Variants in CEP350 observed in about 807,000 individuals in gnomAD.
CEP350 encodes the protein centrosomal protein 350.
Under a neutral mutation model 331.8 loss-of-function variants are expected in CEP350, and 126 were observed. The ratio of observed to expected loss-of-function variants is 0.38; its 90% CI spans 0.33 to 0.44. The LOEUF (loss-of-function observed/expected upper bound fraction) is 0.44, where lower values mean the gene tolerates loss of function less well. Ranked by LOEUF, CEP350 falls within the 20% of genes least tolerant of loss-of-function variation. CEP350 has a pLI of 1.00. For synonymous variants in CEP350, 1,200 were observed against 1,259.5 expected, an observed-to-expected ratio of 0.95 and a Z score of 1.00; for missense variants, 3,406 against 3,634.6, an observed-to-expected ratio of 0.94 and a Z score of 1.62.
In CEP350 at chr1:180,031,366, G is replaced by A. The variant is rs1193349619; in HGVS notation, c.3597G>A (p.Glu1199=). 1 of 1,608,176 alleles carries A rather than the reference G, an allele frequency of 6.2e-7. No individual in the cohort carries two copies. Among genetic ancestry groups the A allele is most frequent in the East Asian group, 2.2e-5 (1 of 44,482 alleles). Residue 1199 remains glutamate (E), a synonymous_variant, in exon 15 of 38, where the codon GAG becomes GAA. Transcript: ENST00000367607. ...ATGTTCAGAACTCACTTCTTGATGA[G>A]GAAAAAGCAGAACGTGGCTCCCATC... ...TGNVQNSLLD[E]EKAERGSHQG...
In CEP350 at chr1:179,991,933, A is replaced by G. The variant is rs148080110; in HGVS notation, c.236-129A>G. The stretch of plus-strand genomic sequence containing the variant: ...TATATAATATCCAACTAGAGATACT[A>G]GAGATAACTTATATAATATCCAACT... On this transcript the variant is annotated intron_variant, in intron 4 of 37. Transcript: ENST00000367607. 126 of 811,084 alleles carry G rather than the reference A, an allele frequency of 1.6e-4. No homozygotes were observed. The African/African-American group carries it at 2.2e-3, about 14-fold the overall frequency. The allele number at this position is 811,084 out of a possible 1,614,324, so 50.2% of individuals were successfully genotyped here.
intron 16 of CEP350, among the ~76,000 whole-genome samples, chr1:180,036,243 G>T (rs1457687201): frequency 6.6e-6 from 1 of 152,212 alleles, no homozygotes; most frequent in South Asian, 2.1e-4. Context: ...GTGGTTTCTT[G>T]AGATGGAATC....
chr1:180,000,977 T>C (rs958304092), intron 6 of CEP350, among the ~76,000 whole-genome samples: 4 of 152,224 alleles, frequency 2.6e-5, no homozygotes, highest in Non-Finnish European at 4.4e-5. Flanking sequence ...ACTGAGGCTA[T>C]TGTGCCTAAT....
Position 180,020,112 on chromosome 1 carries a change from C to G in CEP350, c.2338C>G (p.Pro780Ala), listed in dbSNP as rs1406656648. 6.2e-7 allele frequency: 1 copy of G among 1,614,008 alleles called. No individual in the cohort carries two copies. The highest frequency in any genetic ancestry group is 1.1e-5 in the South Asian group (1 of 91,084). The change falls in exon 12 of 38, where the codon CCA (proline) becomes GCA (alanine). Residue 780 changes from proline to alanine, a missense_variant. This residue lies in a region of CEP350 where 1,857 missense variants were observed against 1,909.2 expected (regional missense o/e 0.97). Transcript: ENST00000367607. ...GCATAAGGATTTTGAATCTATTTTA[C>G]CAACCAGGAAGAATCATAATATGGC... Reference protein sequence around the residue: ...ILHKDFESILPTRKNHNMASR... With the variant: ...ILHKDFESILATRKNHNMASR...
chr1:180,086,598 T>G (rs1659879144), intron 31 of CEP350, among the ~76,000 whole-genome samples: 1 of 152,044 alleles, frequency 6.6e-6, no homozygotes, highest in South Asian at 2.1e-4. Context: ...CTATTGGATT[T>G]TATTTGATCA....
chr1:179,974,720 G>A (rs1268992853), intron 1 of CEP350, among the ~76,000 whole-genome samples: 3 of 152,166 alleles, frequency 2.0e-5, no homozygotes, highest in African/African-American at 7.2e-5. Context: ...GGCCAACCAT[G>A]GTAGCTCATG....
chr1:180,020,368 A>G lies in CEP350; in HGVS notation c.2594A>G (p.Gln865Arg). 1 of 1,613,812 alleles carries G rather than the reference A, an allele frequency of 6.2e-7. No homozygotes were observed. Reference protein sequence around the residue: ...SAWNTEYDVQQAPQEDGPWTK... With the variant: ...SAWNTEYDVQRAPQEDGPWTK... ...TGGAACACTGAGTATGATGTGCAGC[A>G]GGCACCTCAAGAAGATGGACCTTGG... The change falls in exon 12 of 38, where the codon CAG (glutamine) becomes CGG (arginine). Residue 865 changes from glutamine to arginine, a missense_variant. Coordinates refer to ENST00000367607, the MANE Select transcript of CEP350 (RefSeq NM_014810.5).
chr1:180,057,784 T>A (rs1320675459), intron 25 of CEP350, among the ~76,000 whole-genome samples: 1 of 152,230 alleles, frequency 6.6e-6, no homozygotes, highest in Non-Finnish European at 1.5e-5. Flanking sequence ...AGTCTACTTC[T>A]GGTCTGCATT....
rs1260482668 is a variant in CEP350, at chr1:180,107,408, C to T, written c.9190-3589C>T. Among the ~76,000 whole-genome samples, 3 of 152,334 alleles carry T rather than the reference C, an allele frequency of 2.0e-5. No individual in the cohort carries two copies. In the South Asian group the frequency reaches 6.2e-4, roughly 32 times the overall value. On this transcript the variant is annotated intron_variant, in intron 37 of 37. Coordinates refer to ENST00000367607, the MANE Select transcript of CEP350 (RefSeq NM_014810.5). ...TGTAAATTAGCCAGGCACGGTGGCT[C>T]ACCTAATCCTAGCACTTTGGGAGGC...
At chr1:180,101,081 A>C (rs745989617) in intron 37 of CEP350, among the ~76,000 whole-genome samples, 11 of 152,170 alleles carry the variant, frequency 7.2e-5, no homozygotes, top group Non-Finnish European at 1.6e-4. Flanking sequence ...TACTAAACAA[A>C]ATATTTCTTT....
rs1654689797 is a variant in CEP350 at position 180,011,978 on chromosome 1, A to G, written c.1296A>G (p.Leu432=). ...CTTCTTGGCGAGATGGACAAAAATT[A>G]GTAAAGAAGATTCTGGGACCTGCTC... ...STSSWRDGQK[L]VKKILGPAPR... Residue 432 remains leucine, a synonymous_variant, in exon 9 of 38, where the codon TTA becomes TTG. Coordinates refer to ENST00000367607, the MANE Select transcript of CEP350 (RefSeq NM_014810.5). 7 of 1,599,074 alleles carry G rather than the reference A, an allele frequency of 4.4e-6. No individual in the cohort carries two copies. Among genetic ancestry groups the G allele is most frequent in the Non-Finnish European group, 6.0e-6 (7 of 1,171,810 alleles).
At chr1:180,101,386 A>T (rs1660799238) in intron 37 of CEP350, among the ~76,000 whole-genome samples, 1 of 152,184 alleles carries the variant, frequency 6.6e-6, no homozygotes, top group Non-Finnish European at 1.5e-5. Context: ...AGATTTGGTA[A>T]ACCTTGTATT....
At chr1:180,049,517 A>G (rs1434327650) in intron 22 of CEP350, among the ~76,000 whole-genome samples, 1 of 151,828 alleles carries the variant, frequency 6.6e-6, no homozygotes, top group Non-Finnish European at 1.5e-5. Context: ...CCATGATGGA[A>G]CAACAGGGAC....
At chr1:180,042,432 A>T (rs1348795746) in intron 19 of CEP350, among the ~76,000 whole-genome samples, 1 of 152,184 alleles carries the variant, frequency 6.6e-6, no homozygotes. Flanking sequence ...ATTTTTTTAA[A>T]CCAAAAGTTA....
At position 180,013,939 on chromosome 1, in the gene CEP350, C is replaced by T. The variant is rs367923437; in HGVS notation, c.1486C>T (p.Arg496Trp). The change falls in exon 10 of 38, where the codon CGG (arginine) becomes TGG (tryptophan). Residue 496 changes from arginine to tryptophan, a missense_variant. This residue lies in a region of CEP350 where 1,857 missense variants were observed against 1,909.2 expected (regional missense o/e 0.97). Coordinates refer to ENST00000367607, the MANE Select transcript of CEP350 (RefSeq NM_014810.5). ...CTCAGAACGTTCGAGAAGTAAATCTCGGTCTGAAAATAATATAAAGAAACT... is the reference window on the plus strand; with the variant it reads ...CTCAGAACGTTCGAGAAGTAAATCTTGGTCTGAAAATAATATAAAGAAACT... ...RNSERSRSKS[R>W]SENNIKKLAS... 38 of 1,613,546 alleles carry T rather than the reference C, an allele frequency of 2.4e-5. No homozygotes were observed. In the East Asian group the frequency reaches 3.6e-4, roughly 15 times the overall value.
At chr1:179,971,122 G>T (rs1396255644) in intron 1 of CEP350, among the ~76,000 whole-genome samples, 1 of 150,292 alleles carries the variant, frequency 6.7e-6, no homozygotes, top group East Asian at 2.0e-4. Flanking sequence ...TCTGCCTCCC[G>T]GGTTTAAGCA....
chr1:180,014,137 G>A lies in CEP350; in HGVS notation c.1684G>A (p.Ala562Thr), dbSNP rs746791409. 1.9e-6 allele frequency: 3 copies of A among 1,609,582 alleles called. No individual in the cohort carries two copies. The Admixed American group carries it at 5.1e-5, about 27-fold the overall frequency. ...QNQKSSAPVH[A>T]PRSHSPVKRK... ...CCAGAAGTCATCAGCACCAGTACAT[G>A]CTCCTAGGAGTCACAGCCCAGTAAA... Residue 562 changes from alanine (A) to threonine (T), a missense_variant, in exon 10 of 38, where the codon GCT becomes ACT. Coordinates refer to ENST00000367607, the MANE Select transcript of CEP350 (RefSeq NM_014810.5).
At chr1:180,063,269 C>T (rs1445061147) in intron 26 of CEP350, among the ~76,000 whole-genome samples, 1 of 147,536 alleles carries the variant, frequency 6.8e-6, no homozygotes, top group Non-Finnish European at 1.5e-5. Flanking sequence ...CAGCTCACAG[C>T]AGCCTTGACC....
chr1:180,029,845 C>T (rs943101313), intron 14 of CEP350, among the ~76,000 whole-genome samples: 1 of 152,144 alleles, frequency 6.6e-6, no homozygotes, highest in Non-Finnish European at 1.5e-5. Flanking sequence ...CTCCCAGCAC[C>T]TAGTGACAAC....
Sources: gnomAD v4.1 joint callset for allele counts (sites outside exome capture counted in the v4.1 genomes callset) on GRCh38, gnomAD v4.1.1 for gene constraint, gnomAD v4.1.1 regional missense constraint, MANE v1.5 for transcripts, NCBI Gene and HGNC (gene_info 2026-07-23, HGNC 2026-07-21) for gene names.